Variants in NFKBIL1 observed in about 807,000 individuals in gnomAD.
The protein encoded by NFKBIL1 is NFKB inhibitor like 1, also known as NF-kappa-B inhibitor-like protein 1.
NFKBIL1 carries 30 observed loss-of-function variants against 45.4 expected under a neutral mutation model. The ratio of observed to expected loss-of-function variants is 0.66; its 90% CI spans 0.49 to 0.90. The LOEUF (loss-of-function observed/expected upper bound fraction) is 0.90. Ranked by LOEUF, NFKBIL1 falls within the 40% of genes least tolerant of loss-of-function variation. The pLI is 0.00. For missense variants in NFKBIL1, 434 were observed against 513.4 expected (o/e 0.85, Z 1.49); for synonymous variants, 179 against 197.3 (o/e 0.91, Z 0.78).
chr6:31,557,568 C>A lies in NFKBIL1; in HGVS notation c.335-60C>A. ...GAGTGACCAGCAGGATTCAAGATGG[C>A]AGCTCTGCCGAGGAGTGGGAGTCCC... On this transcript the variant is annotated intron_variant, in intron 2 of 3. Coordinates refer to ENST00000376148, the MANE Select transcript of NFKBIL1 (RefSeq NM_005007.4). The surrounding 1 kb of genome is among the most constrained non-coding windows in gnomAD (Gnocchi z 5.4). 1 of 1,357,010 alleles carries A rather than the reference C, an allele frequency of 7.4e-7. No individual in the cohort carries two copies. The highest frequency in any genetic ancestry group is 9.9e-7 in the Non-Finnish European group (1 of 1,008,898). The allele number at this position is 1,357,010 out of a possible 1,614,324, so 84.1% of individuals were successfully genotyped here.
At chr6:31,551,621 G>C (rs1769432645) in intron 2 of NFKBIL1, among the ~76,000 whole-genome samples, 2 of 151,558 alleles carry the variant, frequency 1.3e-5, no homozygotes, top group Non-Finnish European at 2.9e-5. Context: ...TTGAGACGGA[G>C]TCTTGCTTTG....
Position 31,547,658 on chromosome 6 carries a change from G to C in NFKBIL1, c.-37G>C, listed in dbSNP as rs750475492. ...TCTTAAACACAGGCCTTGGGCCTAC[G>C]GCTCTGGGGGTACTTGGGGGGGCGG... is the stretch of plus-strand genomic sequence containing the variant. On this transcript the variant is annotated 5_prime_UTR_variant, in exon 1 of 4. Coordinates refer to ENST00000376148, the MANE Select transcript of NFKBIL1 (RefSeq NM_005007.4). 8.4e-6 allele frequency: 13 copies of C among 1,540,926 alleles called. No individual in the cohort carries two copies. The highest frequency in any genetic ancestry group is 9.8e-6 in the Non-Finnish European group (11 of 1,123,366).
At chr6:31,555,151 A>C (rs1239284953) in intron 2 of NFKBIL1, among the ~76,000 whole-genome samples, 1 of 152,106 alleles carries the variant, frequency 6.6e-6, no homozygotes. Flanking sequence ...TAAAATGTCA[A>C]ATAAAATTGG....
At position 31,557,590 on chromosome 6, in the gene NFKBIL1, T is replaced by G; in HGVS notation, c.335-38T>G. The G allele has an allele frequency of 4.9e-6, 7 of 1,428,240 alleles. No individual in the cohort carries two copies. Among genetic ancestry groups the G allele is most frequent in the South Asian group, 4.9e-5 (3 of 61,370 alleles). 88.5% of individuals were successfully genotyped at this position (1,428,240 alleles called of 1,614,324 possible). On this transcript the variant is annotated intron_variant, in intron 2 of 3. Coordinates refer to ENST00000376148, the MANE Select transcript of NFKBIL1 (RefSeq NM_005007.4). The surrounding 1 kb of genome is among the most constrained non-coding windows in gnomAD (Gnocchi z 5.4). ...TGGCAGCTCTGCCGAGGAGTGGGAG[T>G]CCCAGCTAACTTCTGCTCCCTGCTC...
At chr6:31,550,195 C>T (rs1181437978) in intron 2 of NFKBIL1, among the ~76,000 whole-genome samples, 1 of 147,584 alleles carries the variant, frequency 6.8e-6, no homozygotes, top group East Asian at 2.0e-4. Context: ...AGCAAGACTC[C>T]GTCTCAAAAA....
At chr6:31,551,825 C>T (rs1409762163) in intron 2 of NFKBIL1, among the ~76,000 whole-genome samples, 3 of 152,020 alleles carry the variant, frequency 2.0e-5, no homozygotes, top group African/African-American at 7.2e-5. Flanking sequence ...GAGACGGAGT[C>T]TCCCTCTGTT....
At chr6:31,550,800 C>T (rs890891609) in intron 2 of NFKBIL1, among the ~76,000 whole-genome samples, 1 of 152,190 alleles carries the variant, frequency 6.6e-6, no homozygotes, top group African/African-American at 2.4e-5. Flanking sequence ...AGAGATTCTC[C>T]TGCCTCAGCC....
chr6:31,547,637 A>G lies in NFKBIL1; in HGVS notation c.-58A>G. The G allele has an allele frequency of 7.5e-7, 1 of 1,326,268 alleles. No individual in the cohort carries two copies. 82.2% of individuals were successfully genotyped at this position (1,326,268 alleles called of 1,614,324 possible). On this transcript the variant is annotated 5_prime_UTR_variant, in exon 1 of 4. Transcript: ENST00000376148. ...CCCGCCTCCCGTCTCCGAGCTTCTTAAACACAGGCCTTGGGCCTACGGCTC... is the reference window on the plus strand; with the variant it reads ...CCCGCCTCCCGTCTCCGAGCTTCTTGAACACAGGCCTTGGGCCTACGGCTC...
chr6:31,558,526 T>A lies in NFKBIL1; in HGVS notation c.1061T>A (p.Ile354Asn). 1 of 1,562,488 alleles carries A rather than the reference T, an allele frequency of 6.4e-7. No individual in the cohort carries two copies. Among genetic ancestry groups the A allele is most frequent in the Non-Finnish European group, 8.7e-7 (1 of 1,153,142 alleles). The change falls in exon 4 of 4, where the codon ATT (isoleucine) becomes AAT (asparagine). Residue 354 changes from isoleucine (I) to asparagine (N), a missense_variant. This residue lies in a region of NFKBIL1 where 52 missense variants were observed against 95.9 expected (regional missense o/e 0.54). Coordinates refer to ENST00000376148, the MANE Select transcript of NFKBIL1 (RefSeq NM_005007.4). The surrounding 1 kb of genome is among the most constrained non-coding windows in gnomAD (Gnocchi z 7.2). The stretch of plus-strand genomic sequence containing the variant: ...TTCCTGCAGCGATTCCGAAGCCAGA[T>A]TGAGACCTGGGAGCTGGGCCGTGTG... ...DRFLQRFRSQ[I>N]ETWELGRVMG...
At chr6:31,552,012 C>G (rs140223585) in intron 2 of NFKBIL1, among the ~76,000 whole-genome samples, 6,486 of 151,856 alleles carry the variant, frequency 0.043, 243 homozygotes, top group South Asian at 0.16. Flanking sequence ...GGCCAGACTG[C>G]TCTCGAACTC....
intron 2 of NFKBIL1, chr6:31,556,866 C>T (rs1185056107): frequency 2.4e-6 from 1 of 421,456 alleles, no homozygotes; most frequent in African/African-American, 2.0e-5. Flanking sequence ...ATAAGTATTA[C>T]ATATTTGTGT....
intron 2 of NFKBIL1, among the ~76,000 whole-genome samples, chr6:31,554,098 TATAGATTTAACTACATGAAAA>T (rs1401315476): frequency 6.6e-6 from 1 of 152,206 alleles, no homozygotes; most frequent in African/African-American, 2.4e-5. Flanking sequence ...AATATATTGA[TATAGATTTAACTACATGAAAA>T]TTTTAGGCCG....
chr6:31,549,359 C>T (rs1354686749), intron 2 of NFKBIL1, among the ~76,000 whole-genome samples: 1 of 151,836 alleles, frequency 6.6e-6, no homozygotes, highest in African/African-American at 2.4e-5. Flanking sequence ...TCAAGTGATT[C>T]TCATGCGTCA....
intron 2 of NFKBIL1, among the ~76,000 whole-genome samples, chr6:31,548,718 AAGT>A (rs1275672621): frequency 1.3e-5 from 2 of 152,200 alleles, no homozygotes; most frequent in Non-Finnish European, 2.9e-5. Context: ...CGTAGCCAAA[AAGT>A]AGCATAGAAG....
intron 2 of NFKBIL1, among the ~76,000 whole-genome samples, chr6:31,550,371 T>C (rs1769361320): frequency 8.0e-6 from 1 of 125,082 alleles, no homozygotes; most frequent in Non-Finnish European, 1.6e-5. Context: ...AGCTCAAGTA[T>C]AGACAGAAGG....
In NFKBIL1 at chr6:31,558,779, C is replaced by T. The variant is rs1769941387; in HGVS notation, c.*168C>T. On this transcript the variant is annotated 3_prime_UTR_variant, in exon 4 of 4. Transcript: ENST00000376148. This position sits in a 1 kb window ranked among gnomAD's most constrained non-coding sequence, Gnocchi z 7.2. ...GGGGGTGGGGGGTGCGGGCCGCCAC[C>T]ACTGCTCCTTGACTCTGCCGTTTCC... is the stretch of plus-strand genomic sequence containing the variant. 3 of 590,034 alleles carry T rather than the reference C, an allele frequency of 5.1e-6. No individual in the cohort carries two copies. Among genetic ancestry groups the T allele is most frequent in the Non-Finnish European group, 8.9e-6 (3 of 335,992 alleles). 36.5% of individuals were successfully genotyped at this position (590,034 alleles called of 1,614,324 possible). A position where few individuals can be genotyped will look rare whatever the true frequency, so the allele number is the denominator to read the frequency against.
chr6:31,554,408 G>T (rs972774953), intron 2 of NFKBIL1, among the ~76,000 whole-genome samples: 2 of 149,444 alleles, frequency 1.3e-5, no homozygotes, highest in Non-Finnish European at 3.0e-5. Flanking sequence ...GTGAGACCTT[G>T]TCTCAAAAAG....
chr6:31,552,244 T>G (rs1769466427), intron 2 of NFKBIL1, among the ~76,000 whole-genome samples: 1 of 143,174 alleles, frequency 7.0e-6, no homozygotes, highest in Non-Finnish European at 1.5e-5. Context: ...ACAGAATGTC[T>G]TTTGGTTTTG....
rs1769842417 is a variant in NFKBIL1, at chr6:31,557,923, A to AG, written c.556+76dup. 6.7e-7 allele frequency: 1 copy of AG among 1,501,034 alleles called. No individual in the cohort carries two copies. Among genetic ancestry groups the AG allele is most frequent in the Non-Finnish European group, 9.0e-7 (1 of 1,108,672 alleles). 93.0% of individuals were successfully genotyped at this position (1,501,034 alleles called of 1,614,324 possible). On this transcript the variant is annotated intron_variant, in intron 3 of 3. Coordinates refer to ENST00000376148, the MANE Select transcript of NFKBIL1 (RefSeq NM_005007.4). The surrounding 1 kb of genome is among the most constrained non-coding windows in gnomAD (Gnocchi z 5.4). ...TCCATCTGCATGAATGCGTCACACT[A>AG]GGCTCCTCTGCCCCCTCCTCTGTGC... is the stretch of plus-strand genomic sequence containing the variant.
Sources: allele counts gnomAD v4.1 joint callset (sites outside exome capture counted in the v4.1 genomes callset), GRCh38; gene constraint gnomAD v4.1.1; regional missense constraint gnomAD v4.1.1; non-coding constraint Gnocchi (gnomAD v3.1); transcripts MANE v1.5; gene names NCBI Gene and HGNC (gene_info 2026-07-23, HGNC 2026-07-21).